Variants in TMEM260 observed in about 807,000 individuals in gnomAD.
The protein encoded by TMEM260 is transmembrane protein 260.
A neutral mutation model predicts 88.9 loss-of-function variants in TMEM260; 82 were observed. The ratio of observed to expected loss-of-function variants is 0.92; its 90% CI spans 0.77 to 1.11. TMEM260 has a LOEUF of 1.11. TMEM260 is among the 50% of genes least tolerant of loss of function. The pLI, the probability that TMEM260 is intolerant of heterozygous loss-of-function variation, is 0.00. For missense variants in TMEM260, 902 were observed against 853.4 expected (o/e 1.06, Z -0.71); for synonymous variants, 314 against 309.3 (o/e 1.02, Z -0.16).
the TMEM260 span, among the ~76,000 whole-genome samples, chr14:56,660,738 G>T: frequency 6.6e-6 from 1 of 152,180 alleles, no homozygotes; most frequent in South Asian, 2.1e-4. Context: ...AGAAGGAAGT[G>T]AATCTTGTGT....
At chr14:56,640,054 G>C (rs1221007357) in intron 15 of TMEM260, among the ~76,000 whole-genome samples, 1 of 152,224 alleles carries the variant, frequency 6.6e-6, no homozygotes, top group Non-Finnish European at 1.5e-5. Flanking sequence ...GCCTCTGTAG[G>C]CTCCACCTGT....
chr14:56,655,403 AG>A (rs1890283737), downstream of TMEM260, among the ~76,000 whole-genome samples: 4 of 151,788 alleles, frequency 2.6e-5, no homozygotes, highest in South Asian at 6.3e-4. Flanking sequence ...AAAAAAAAAA[AG>A]TAATTTGGCC....
At chr14:56,661,812 T>A in the TMEM260 span, among the ~76,000 whole-genome samples, 3 of 152,208 alleles carry the variant, frequency 2.0e-5, no homozygotes, top group Admixed American at 6.5e-5. Context: ...TATATGACAC[T>A]GTTACTTTAC....
intron 15 of TMEM260, among the ~76,000 whole-genome samples, chr14:56,640,853 C>G (rs1012365808): frequency 2.0e-5 from 3 of 152,160 alleles, no homozygotes; most frequent in Admixed American, 6.5e-5. Flanking sequence ...GACAAATGCA[C>G]AAGCCTCAGT....
intron 5 of TMEM260, among the ~76,000 whole-genome samples, chr14:56,608,176 C>G (rs1401381678): frequency 6.6e-6 from 1 of 152,110 alleles, no homozygotes; most frequent in Non-Finnish European, 1.5e-5. Context: ...TTTGAAAATG[C>G]TAACATAAAT....
At chr14:56,654,241 T>TA (rs1456567458), downstream of TMEM260, among the ~76,000 whole-genome samples, 6 of 152,090 alleles carry the variant, frequency 3.9e-5, no homozygotes, top group African/African-American at 1.4e-4. Flanking sequence ...AATTAAAAGG[T>TA]TTTAGTGTGA....
Position 56,592,854 on chromosome 14 carries a change from T to C in TMEM260, c.344+6942T>C, listed in dbSNP as rs142935834. ...TACACTCAGTATAGACGTAGGGCAG[T>C]GTACCTTCCGTGTTGGGTTCTTTGC... On this transcript the variant is annotated intron_variant, in intron 3 of 15. Coordinates refer to ENST00000261556, the MANE Select transcript of TMEM260 (RefSeq NM_017799.4). Among the ~76,000 whole-genome samples, 23 of 152,338 alleles carry C rather than the reference T, an allele frequency of 1.5e-4. No individual in the cohort carries two copies. In the East Asian group the frequency reaches 4.4e-3, roughly 29 times the overall value.
At chr14:56,585,478 G>A (rs1289504032) in intron 2 of TMEM260, among the ~76,000 whole-genome samples, 3 of 151,950 alleles carry the variant, frequency 2.0e-5, no homozygotes, top group Non-Finnish European at 4.4e-5. Context: ...TGACCCTAAT[G>A]TACTGTGAAC....
the TMEM260 span, among the ~76,000 whole-genome samples, chr14:56,657,510 C>T: frequency 1.3e-5 from 2 of 152,046 alleles, no homozygotes; most frequent in East Asian, 3.9e-4. Flanking sequence ...GGTCTGAATA[C>T]GACGTTTTCA....
chr14:56,640,300 TC>T (rs1340704301), intron 15 of TMEM260, among the ~76,000 whole-genome samples: 1 of 151,638 alleles, frequency 6.6e-6, no homozygotes, highest in Non-Finnish European at 1.5e-5. Flanking sequence ...AGACAAAACT[TC>T]CAGAGGGACA....
At chr14:56,620,103 A>G (rs944302951) in intron 10 of TMEM260, among the ~76,000 whole-genome samples, 3 of 152,176 alleles carry the variant, frequency 2.0e-5, no homozygotes, top group Non-Finnish European at 4.4e-5. Flanking sequence ...TCATGGATAC[A>G]GTGAGGGAGA....
chr14:56,601,379 C>A (rs533636408), intron 3 of TMEM260, among the ~76,000 whole-genome samples: 1 of 152,186 alleles, frequency 6.6e-6, no homozygotes, highest in South Asian at 2.1e-4. Context: ...AGAAATGATG[C>A]TGTATTCTTT....
intron 3 of TMEM260, among the ~76,000 whole-genome samples, chr14:56,601,916 C>G (rs139370746): frequency 6.6e-6 from 1 of 152,076 alleles, no homozygotes; most frequent in African/African-American, 2.4e-5. Flanking sequence ...TGTGCTAGAG[C>G]TACCCTGGCT....
chr14:56,583,836 G>A (rs1156965716), intron 1 of TMEM260, among the ~76,000 whole-genome samples: 1 of 152,152 alleles, frequency 6.6e-6, no homozygotes, highest in Non-Finnish European at 1.5e-5. Context: ...AATAAGATTT[G>A]ACTGGAGGGA....
In TMEM260 at chr14:56,586,007, T is replaced by G. The variant is rs913309512; in HGVS notation, c.344+95T>G. ...ATACATTAAAAAAATCTTTTGTTGC[T>G]TGGTTTCCCTAACACATGTGATTTC... On this transcript the variant is annotated intron_variant, in intron 3 of 15. Transcript: ENST00000261556. 1.9e-5 allele frequency: 24 copies of G among 1,288,662 alleles called. No individual in the cohort carries two copies. In the African/African-American group the frequency reaches 3.4e-4, roughly 18 times the overall value. The allele number at this position is 1,288,662 out of a possible 1,614,324, so 79.8% of individuals were successfully genotyped here. A position where few individuals can be genotyped will look rare whatever the true frequency, so the allele number is the denominator to read the frequency against.
At chr14:56,614,749 C>A (rs1308925663) in intron 7 of TMEM260, among the ~76,000 whole-genome samples, 3 of 152,136 alleles carry the variant, frequency 2.0e-5, no homozygotes, top group African/African-American at 7.2e-5. Context: ...TGGACCAAGT[C>A]ATCATGTAGA....
intron 3 of TMEM260, among the ~76,000 whole-genome samples, chr14:56,590,971 A>G (rs1387965710): frequency 6.6e-6 from 1 of 152,216 alleles, no homozygotes; most frequent in East Asian, 1.9e-4. Context: ...GGTTTATGCC[A>G]CTATATACAA....
intron 8 of TMEM260, 119 bp from the exon 9 acceptor site, chr14:56,617,064 C>A: frequency 1.9e-6 from 1 of 532,536 alleles, no homozygotes; most frequent in South Asian, 5.1e-5. Context: ...CGAAATCTCT[C>A]TTTGCTCCTA....
chr14:56,582,948 C>G (rs1024017732), intron 1 of TMEM260, among the ~76,000 whole-genome samples: 1 of 152,084 alleles, frequency 6.6e-6, no homozygotes, highest in African/African-American at 2.4e-5. Flanking sequence ...ATCTTTATAG[C>G]AGCAGAAGTC....
Sources: allele counts gnomAD v4.1 joint callset (sites outside exome capture counted in the v4.1 genomes callset), GRCh38; gene constraint gnomAD v4.1.1; transcripts MANE v1.5; gene names NCBI Gene and HGNC (gene_info 2026-07-23, HGNC 2026-07-21).